CHCHD6: variants seen among roughly 807,000 people sequenced by gnomAD.
The protein encoded by CHCHD6 is coiled-coil-helix-coiled-coil-helix domain containing 6.
A neutral mutation model predicts 32.3 loss-of-function variants in CHCHD6; 28 were observed. The observed-to-expected ratio is 0.87, with a 90% CI of 0.64 to 1.19. CHCHD6 has a LOEUF of 1.19. Among genes scored for constraint, CHCHD6 ranks in the 50% most tolerant of loss-of-function variants. The pLI, the probability that CHCHD6 is intolerant of heterozygous loss-of-function variation, is 0.00. For missense variants in CHCHD6, 333 were observed against 307.0 expected, an observed-to-expected ratio of 1.08 and a Z score of -0.63; for synonymous variants, 122 against 117.5, an observed-to-expected ratio of 1.04 and a Z score of -0.25.
chr3:126,903,838 G>T (rs547038776), intron 5 of CHCHD6, among the ~76,000 whole-genome samples: 2 of 152,278 alleles, frequency 1.3e-5, no homozygotes, highest in East Asian at 3.9e-4. Context: ...GTTAAATGCT[G>T]TTCTGTACTT....
intron 6 of CHCHD6, chr3:126,953,136 A>G: frequency 1.0e-6 from 1 of 985,358 alleles, no homozygotes; most frequent in Non-Finnish European, 1.2e-6. Flanking sequence ...CCCATACCTG[A>G]TGCACCGACC....
At chr3:126,954,820 C>T (rs1037395594) in intron 6 of CHCHD6, among the ~76,000 whole-genome samples, 2 of 152,218 alleles carry the variant, frequency 1.3e-5, no homozygotes, top group African/African-American at 4.8e-5. Context: ...CAGCAAGAGG[C>T]TGGTATGAGG....
intron 4 of CHCHD6, among the ~76,000 whole-genome samples, chr3:126,742,574 A>C (rs979087548): frequency 1.3e-5 from 2 of 152,192 alleles, no homozygotes; most frequent in African/African-American, 4.8e-5. Flanking sequence ...GCCATGATGA[A>C]TGGATTGAAT....
chr3:126,864,968 C>T (rs1185205463), intron 5 of CHCHD6, among the ~76,000 whole-genome samples: 28 of 147,746 alleles, frequency 1.9e-4, no homozygotes, highest in Non-Finnish European at 1.5e-5. Context: ...TCCATCACCA[C>T]CTCCATCATC....
At chr3:126,712,066 C>T (rs1934773352) in intron 1 of CHCHD6, among the ~76,000 whole-genome samples, 1 of 152,208 alleles carries the variant, frequency 6.6e-6, no homozygotes, top group Non-Finnish European at 1.5e-5. Flanking sequence ...ACCTCAGCTG[C>T]TGAGGAGTGG....
intron 4 of CHCHD6, among the ~76,000 whole-genome samples, chr3:126,789,354 T>C (rs1023093933): frequency 6.6e-6 from 1 of 151,870 alleles, no homozygotes; most frequent in Admixed American, 6.5e-5. Flanking sequence ...GGTGCAGAGC[T>C]GAGTTCAATT....
chr3:126,737,388 G>C (rs1936090434), intron 4 of CHCHD6, among the ~76,000 whole-genome samples: 1 of 92,410 alleles, frequency 1.1e-5, no homozygotes, highest in African/African-American at 4.9e-5. Flanking sequence ...TATGATGTGT[G>C]AGTATATATA....
chr3:126,811,358 C>T (rs186838901), intron 4 of CHCHD6, among the ~76,000 whole-genome samples: 10 of 152,300 alleles, frequency 6.6e-5, no homozygotes, highest in Admixed American at 1.3e-4. Flanking sequence ...TATGGCTCTA[C>T]TGTTAATACA....
At position 126,776,100 on chromosome 3, in the gene CHCHD6, G is replaced by C. The variant is rs140324698; in HGVS notation, c.411+42878G>C. Among the ~76,000 whole-genome samples, 10 of 152,298 alleles carry C rather than the reference G, an allele frequency of 6.6e-5. No homozygotes were observed. The East Asian group carries it at 1.9e-3, about 29-fold the overall frequency. On this transcript the variant is annotated intron_variant, in intron 4 of 7. Coordinates refer to ENST00000290913, the MANE Select transcript of CHCHD6 (RefSeq NM_032343.3). Reference sequence around the variant, plus strand: ...TAGGTGTTGCCTTGGGGTGAATGTGGAGTGGGAAACATGAATTGGCTGTGC... The same window carrying C: ...TAGGTGTTGCCTTGGGGTGAATGTGCAGTGGGAAACATGAATTGGCTGTGC...
intron 1 of CHCHD6, among the ~76,000 whole-genome samples, chr3:126,712,563 G>A (rs1934799977): frequency 6.6e-6 from 1 of 152,160 alleles, no homozygotes; most frequent in South Asian, 2.1e-4. Flanking sequence ...AGGCAGCCTT[G>A]ATCCTCCCAG....
chr3:126,712,952 C>T (rs142790602), intron 1 of CHCHD6, among the ~76,000 whole-genome samples: 2,638 of 152,292 alleles, frequency 0.017, 34 homozygotes, highest in South Asian at 0.032. Flanking sequence ...GTCCTTCATC[C>T]GGAAAGCTGG....
intron 4 of CHCHD6, among the ~76,000 whole-genome samples, chr3:126,828,656 GAGGAAC>G (rs890551482): frequency 1.1e-4 from 17 of 152,258 alleles, no homozygotes; most frequent in African/African-American, 3.9e-4. Context: ...TTTGGTGAAG[GAGGAAC>G]ATCCTGTTTT....
At chr3:126,865,627 C>T in intron 5 of CHCHD6, 1 of 985,278 alleles carries the variant, frequency 1.0e-6, no homozygotes, top group South Asian at 4.7e-5. Context: ...ATTTTGATTG[C>T]TGCTGCCCCC....
chr3:126,860,513 T>G (rs1941822980), intron 5 of CHCHD6, among the ~76,000 whole-genome samples: 1 of 152,034 alleles, frequency 6.6e-6, no homozygotes, highest in African/African-American at 2.4e-5. Flanking sequence ...AGTTAATGGG[T>G]GCAGCACACC....
chr3:126,934,796 G>A (rs1325277671), intron 6 of CHCHD6, among the ~76,000 whole-genome samples: 10 of 152,110 alleles, frequency 6.6e-5, no homozygotes, highest in East Asian at 1.9e-4. Flanking sequence ...TGATCCGCCC[G>A]CCTCGGCCTC....
intron 5 of CHCHD6, among the ~76,000 whole-genome samples, chr3:126,893,480 C>T (rs192762495): frequency 2.6e-5 from 4 of 152,346 alleles, no homozygotes; most frequent in African/African-American, 9.6e-5. Context: ...TCAAGACAGA[C>T]ATTGAGCATG....
At chr3:126,804,354 G>A (rs1355205029) in intron 4 of CHCHD6, among the ~76,000 whole-genome samples, 1 of 151,964 alleles carries the variant, frequency 6.6e-6, no homozygotes, top group African/African-American at 2.4e-5. Context: ...GAATCAAATA[G>A]ACGCAATAAA....
intron 5 of CHCHD6, among the ~76,000 whole-genome samples, chr3:126,876,109 AGCAC>A (rs2077536139): frequency 6.6e-6 from 1 of 152,224 alleles, no homozygotes; most frequent in African/African-American, 2.4e-5. Flanking sequence ...ACTTACTCTG[AGCAC>A]TGTTAAGTGT....
At chr3:126,849,144 C>T (rs1941387312) in intron 4 of CHCHD6, among the ~76,000 whole-genome samples, 1 of 152,228 alleles carries the variant, frequency 6.6e-6, no homozygotes, top group African/African-American at 2.4e-5. Flanking sequence ...CAGTGGAGGT[C>T]TTCAGAAGTT....
Sources: allele counts gnomAD v4.1 joint callset (sites outside exome capture counted in the v4.1 genomes callset), GRCh38; gene constraint gnomAD v4.1.1; transcripts MANE v1.5; gene names NCBI Gene and HGNC (gene_info 2026-07-23, HGNC 2026-07-21).